The following BRWD1 variants were observed in gnomAD, a reference collection of about 807,000 sequenced individuals.
BRWD1 encodes bromodomain and WD repeat domain containing 1, also known as bromodomain and WD repeat-containing protein 1.
A neutral mutation model predicts 251.2 loss-of-function variants in BRWD1; 82 were observed. That is an observed-to-expected ratio of 0.33 (90% CI 0.27 to 0.39). The LOEUF is 0.39. BRWD1 is among the 10% of genes least tolerant of loss of function. The probability of loss-of-function intolerance (pLI) is 1.00; values close to 1 mark genes in which losing one functional copy is unlikely to be tolerated. For synonymous variants in BRWD1, 918 were observed against 902.8 expected (o/e 1.02, Z -0.30); for missense variants, 2,233 against 2,711.6 (o/e 0.82, Z 3.92).
At chr21:39,213,091 T>C (rs913389161) in intron 33 of BRWD1, among the ~76,000 whole-genome samples, 9 of 152,080 alleles carry the variant, frequency 5.9e-5, no homozygotes, top group Admixed American at 1.3e-4. Context: ...ACCACCCCCA[T>C]CTAACTTTTT....
rs1198684349 is a variant in BRWD1 at position 39,193,506 on chromosome 21, GTCTT to G, written c.*2749_*2752del. ...TTCCTTTATATGCTTGGTAAAGTGA[GTCTT>G]TCCAAGAAAGCAAAAATCAAATCTG... On this transcript the variant is annotated 3_prime_UTR_variant, in exon 41 of 41. Coordinates refer to ENST00000342449, the MANE Select transcript of BRWD1 (RefSeq NM_033656.4). 8.1e-6 allele frequency: 8 copies of G among 985,278 alleles called. No homozygotes were observed. Among genetic ancestry groups the G allele is most frequent in the East Asian group, 2.3e-4 (2 of 8,818 alleles). 61.0% of individuals were successfully genotyped at this position (985,278 alleles called of 1,614,324 possible).
At position 39,269,677 on chromosome 21, in the gene BRWD1, A is replaced by G. The variant is rs535412026; in HGVS notation, c.1530+222T>C. ...CACACAGGCACATAAAATGCTCAAC[A>G]GGTAACTTAAAAATGTCTCCCTCAT... is the stretch of plus-strand genomic sequence containing the variant. On this transcript the variant is annotated intron_variant, in intron 15 of 40. Coordinates refer to ENST00000342449, the MANE Select transcript of BRWD1 (RefSeq NM_033656.4). 3.9e-5 allele frequency among the ~76,000 whole-genome samples: 6 copies of G among 152,340 alleles called. No individual in the cohort carries two copies. In the South Asian group the frequency reaches 1.2e-3, roughly 32 times the overall value.
chr21:39,213,478 T>C lies in BRWD1; in HGVS notation c.3858+3A>G, dbSNP rs1311087260. On this transcript the variant is annotated splice_donor_region_variant and intron_variant, in intron 33 of 40. Transcript: ENST00000342449. ...ACCATTATAAAATCAACAAACTTCA[T>C]ACCAAATCCTCAGCATTTTGCTCAT... The C allele has an allele frequency of 6.2e-7, 1 of 1,608,604 alleles. No homozygotes were observed. The highest frequency in any genetic ancestry group is 8.5e-7 in the Non-Finnish European group (1 of 1,177,178).
At chr21:39,295,359 C>T (rs912512984) in intron 7 of BRWD1, among the ~76,000 whole-genome samples, 1 of 141,002 alleles carries the variant, frequency 7.1e-6, no homozygotes, top group Non-Finnish European at 1.6e-5. Context: ...GCTAATTTTT[C>T]TGTATTTTTA....
chr21:39,208,472 C>T (rs999906679), intron 36 of BRWD1, among the ~76,000 whole-genome samples: 2 of 152,168 alleles, frequency 1.3e-5, no homozygotes, highest in Non-Finnish European at 2.9e-5. Flanking sequence ...TAAAGCAAAA[C>T]AGTTAAATGT....
At chr21:39,202,953 G>C (rs531342143) in intron 37 of BRWD1, among the ~76,000 whole-genome samples, 1 of 152,304 alleles carries the variant, frequency 6.6e-6, no homozygotes, top group African/African-American at 2.4e-5. Flanking sequence ...ATATGGTTAA[G>C]AGGAGAAATC....
chr21:39,225,516 C>T (rs1362564647), intron 27 of BRWD1, among the ~76,000 whole-genome samples: 1 of 152,152 alleles, frequency 6.6e-6, no homozygotes, highest in East Asian at 1.9e-4. Flanking sequence ...ACCCTTCCCA[C>T]CATTTACAAA....
At chr21:39,314,270 C>A (rs557314448), upstream of BRWD1, 16 of 455,790 alleles carry the variant, frequency 3.5e-5, no homozygotes, top group South Asian at 2.5e-4. Flanking sequence ...GTCTGCGGCG[C>A]TGAAGGCTGC....
rs531452624 is a variant in BRWD1 at position 39,312,004 on chromosome 21, C to T, written c.198+837G>A. On this transcript the variant is annotated intron_variant, in intron 4 of 40. Coordinates refer to ENST00000342449, the MANE Select transcript of BRWD1 (RefSeq NM_033656.4). ...TCCTTATACAAGATGCTGAATATGG[C>T]CTGGCAATTAATGAATTCCTTTATC... Among the ~76,000 whole-genome samples, 6 of 152,286 alleles carry T rather than the reference C, an allele frequency of 3.9e-5. No individual in the cohort carries two copies. The South Asian group carries it at 1.2e-3, about 32-fold the overall frequency.
At chr21:39,294,135 A>C in intron 7 of BRWD1, 103 bp from the exon 8 acceptor site, 1 of 850,494 alleles carries the variant, frequency 1.2e-6, no homozygotes. Context: ...AACTCTTTCC[A>C]ACTATAGAAT....
At position 39,188,913 on chromosome 21, in the gene BRWD1, G is replaced by C; in HGVS notation, c.*7346C>G. The stretch of plus-strand genomic sequence containing the variant: ...TGTAAATGGCATTTTACCAGAGTAA[G>C]ACACTCATCACGGCATTACTCTCAT... On this transcript the variant is annotated 3_prime_UTR_variant, in exon 41 of 41. Coordinates refer to ENST00000342449, the MANE Select transcript of BRWD1 (RefSeq NM_033656.4). 1 of 985,364 alleles carries C rather than the reference G, an allele frequency of 1.0e-6. No homozygotes were observed. Among genetic ancestry groups the C allele is most frequent in the Non-Finnish European group, 1.2e-6 (1 of 829,914 alleles). 61.0% of individuals were successfully genotyped at this position (985,364 alleles called of 1,614,324 possible). A position where few individuals can be genotyped will look rare whatever the true frequency, so the allele number is the denominator to read the frequency against.
rs1377670565 is a variant in BRWD1, at chr21:39,296,586, T to C, written c.350-223A>G. 25 of 1,147,752 alleles carry C rather than the reference T, an allele frequency of 2.2e-5. No individual in the cohort carries two copies. In the Middle Eastern group the frequency reaches 1.0e-3, roughly 48 times the overall value. 71.1% of individuals were successfully genotyped at this position (1,147,752 alleles called of 1,614,324 possible). A position where few individuals can be genotyped will look rare whatever the true frequency, so the allele number is the denominator to read the frequency against. The stretch of plus-strand genomic sequence containing the variant: ...ACAACAACTAACATTTGTGTAGCAC[T>C]TTACAATTCACAAAGTGCTTTCAAC... On this transcript the variant is annotated intron_variant, in intron 5 of 40. Coordinates refer to ENST00000342449, the MANE Select transcript of BRWD1 (RefSeq NM_033656.4).
chr21:39,297,347 C>G, intron 5 of BRWD1: 3 of 985,462 alleles, frequency 3.0e-6, no homozygotes, highest in Non-Finnish European at 3.6e-6. Flanking sequence ...AGGCATCCTC[C>G]TGGGGTACCA....
At chr21:39,207,881 T>A (rs546366922) in intron 36 of BRWD1, among the ~76,000 whole-genome samples, 1 of 152,244 alleles carries the variant, frequency 6.6e-6, no homozygotes, top group South Asian at 2.1e-4. Context: ...TTACACTAAG[T>A]GAAATAAATA....
rs2035049390 is a variant in BRWD1, at chr21:39,270,038, A to G, written c.1396-5T>C. ...AAATACTTCATCAGCATGTCCCTTTATTTAACAAAGTCATAACATTAAGGA... is the reference window on the plus strand; with the variant it reads ...AAATACTTCATCAGCATGTCCCTTTGTTTAACAAAGTCATAACATTAAGGA... On this transcript the variant is annotated splice_region_variant and splice_polypyrimidine_tract_variant and intron_variant, in intron 14 of 40. Coordinates refer to ENST00000342449, the MANE Select transcript of BRWD1 (RefSeq NM_033656.4). The G allele has an allele frequency of 6.4e-7, 1 of 1,553,814 alleles. No homozygotes were observed. Among genetic ancestry groups the G allele is most frequent in the Non-Finnish European group, 8.7e-7 (1 of 1,151,230 alleles).
At position 39,313,265 on chromosome 21, in the gene BRWD1, C is replaced by T. The variant is rs777924008; in HGVS notation, c.84G>A (p.Ala28=). 6.4e-7 allele frequency: 1 copy of T among 1,562,018 alleles called. No individual in the cohort carries two copies. The highest frequency in any genetic ancestry group is 8.7e-7 in the Non-Finnish European group (1 of 1,150,066). ...CCTGGGCCGCTCTCCGACACGGGCC[C>T]GCCGATAGGTACCGGGCGATAAGGA... is the stretch of plus-strand genomic sequence containing the variant. The part of the protein sequence containing the change: ...LYFLIARYLS[A]GPCRRAAQVL... Residue 28 remains alanine (A), a synonymous_variant, in exon 2 of 41, where the codon GCG becomes GCA. Coordinates refer to ENST00000342449, the MANE Select transcript of BRWD1 (RefSeq NM_033656.4).
chr21:39,202,553 A>T lies in BRWD1; in HGVS notation c.4365-8T>A, dbSNP rs1349780850. The T allele has an allele frequency of 6.3e-7, 1 of 1,593,946 alleles. No homozygotes were observed. Among genetic ancestry groups the T allele is most frequent in the Admixed American group, 1.7e-5 (1 of 59,604 alleles). On this transcript the variant is annotated splice_polypyrimidine_tract_variant and splice_region_variant and intron_variant, in intron 37 of 40. Coordinates refer to ENST00000342449, the MANE Select transcript of BRWD1 (RefSeq NM_033656.4). ...CTCTTCGGCTTGAGGTTTCTGGCCA[A>T]ACATATGAACAAAGGAAACAGTATT...
chr21:39,243,766 A>G (rs1277230913), intron 21 of BRWD1, among the ~76,000 whole-genome samples: 2 of 152,120 alleles, frequency 1.3e-5, no homozygotes, highest in African/African-American at 2.4e-5. Flanking sequence ...TTTGATAATT[A>G]TATCACTTGT....
intron 5 of BRWD1, chr21:39,298,037 C>T (rs562026209): frequency 3.0e-6 from 3 of 986,506 alleles, no homozygotes; most frequent in South Asian, 9.4e-5. Flanking sequence ...CCCTTTATAA[C>T]AAAGGGCTTT....
Sources: allele counts gnomAD v4.1 joint callset (sites outside exome capture counted in the v4.1 genomes callset), GRCh38; gene constraint gnomAD v4.1.1; transcripts MANE v1.5; gene names NCBI Gene and HGNC (gene_info 2026-07-23, HGNC 2026-07-21).